MACROD2: variants seen among roughly 807,000 people sequenced by gnomAD.
The protein encoded by MACROD2 is ADP-ribose glycohydrolase MACROD2.
A neutral mutation model predicts 70.4 loss-of-function variants in MACROD2; 36 were observed. The observed-to-expected ratio is 0.51, with a 90% CI of 0.39 to 0.68. MACROD2 has a LOEUF of 0.68. Ranked by LOEUF, MACROD2 falls within the 30% of genes least tolerant of loss-of-function variation. The probability of loss-of-function intolerance (pLI) is 0.00; values close to 1 mark genes in which losing one functional copy is unlikely to be tolerated. For missense variants in MACROD2, 496 were observed against 538.4 expected (o/e 0.92, Z 0.78); for synonymous variants, 172 against 178.8 (o/e 0.96, Z 0.30).
chr20:14,083,491 C>A (rs754806881), intron 2 of MACROD2, among the ~76,000 whole-genome samples: 68 of 151,924 alleles, frequency 4.5e-4, no homozygotes, highest in Non-Finnish European at 7.1e-4. Flanking sequence ...GTGTAATGAA[C>A]TCACTTACAG....
chr20:15,062,063 G>A (rs2075536825), intron 5 of MACROD2, among the ~76,000 whole-genome samples: 1 of 152,182 alleles, frequency 6.6e-6, no homozygotes, highest in Admixed American at 6.5e-5. Context: ...CTTGCCCTGG[G>A]TCCTAGTGGT....
intron 5 of MACROD2, among the ~76,000 whole-genome samples, chr20:15,042,292 G>T (rs1235587168): frequency 6.6e-6 from 1 of 152,284 alleles, no homozygotes; most frequent in Middle Eastern, 3.4e-3. Flanking sequence ...GCCAAACAAG[G>T]CAGGAAAATG....
intron 5 of MACROD2, among the ~76,000 whole-genome samples, chr20:14,955,144 A>C (rs2074521988): frequency 9.8e-6 from 1 of 102,244 alleles, no homozygotes; most frequent in East Asian, 4.5e-4. Flanking sequence ...TTTATAAATT[A>C]TATTATATGT....
At chr20:15,621,472 T>C (rs2049124981) in intron 8 of MACROD2, among the ~76,000 whole-genome samples, 1 of 152,196 alleles carries the variant, frequency 6.6e-6, no homozygotes. Context: ...AATTATTTAT[T>C]TAAAAATATA....
At chr20:14,317,219 C>G (rs774348208) in intron 3 of MACROD2, among the ~76,000 whole-genome samples, 1 of 152,164 alleles carries the variant, frequency 6.6e-6, no homozygotes, top group African/African-American at 2.4e-5. Context: ...TCTTACCACC[C>G]AATCTAAGTA....
chr20:15,654,186 A>C (rs2049691256), intron 8 of MACROD2, among the ~76,000 whole-genome samples: 1 of 152,186 alleles, frequency 6.6e-6, no homozygotes, highest in African/African-American at 2.4e-5. Context: ...GCAGAAGTTC[A>C]GAGAAAGCAA....
At chr20:15,190,699 C>T (rs1369055268) in intron 5 of MACROD2, among the ~76,000 whole-genome samples, 1 of 152,086 alleles carries the variant, frequency 6.6e-6, no homozygotes, top group African/African-American at 2.4e-5. Flanking sequence ...TAGCACCAGG[C>T]CCAGTCAGCA....
intron 5 of MACROD2, among the ~76,000 whole-genome samples, chr20:14,969,361 T>TACACAC (rs3045701): frequency 0.061 from 8,459 of 137,852 alleles, 294 homozygotes; most frequent in South Asian, 0.095. Context: ...TAAATGCTTT[T>TACACAC]ACACACACAC....
intron 10 of MACROD2, among the ~76,000 whole-genome samples, chr20:15,909,353 C>G (rs2065198222): frequency 6.6e-6 from 1 of 151,940 alleles, no homozygotes; most frequent in African/African-American, 2.4e-5. Context: ...TAACAAGTCC[C>G]CAGGATTAAG....
rs554815686 is a variant in MACROD2 at position 15,569,499 on chromosome 20, A to G, written c.645+69652A>G. On this transcript the variant is annotated intron_variant, in intron 8 of 17. Coordinates refer to ENST00000684519, the MANE Select transcript of MACROD2 (RefSeq NM_001351661.2). Reference sequence around the variant, plus strand: ...GATAGATGTTTAACTTATTCTTTCTATCCAACTGAAATTTTGTATTCTTTG... The same window carrying G: ...GATAGATGTTTAACTTATTCTTTCTGTCCAACTGAAATTTTGTATTCTTTG... Among the ~76,000 whole-genome samples, 56 of 152,222 alleles carry G rather than the reference A, an allele frequency of 3.7e-4. No homozygotes were observed. The South Asian group carries it at 0.011, about 29-fold the overall frequency.
intron 8 of MACROD2, among the ~76,000 whole-genome samples, chr20:15,578,311 C>A (rs979748231): frequency 2.3e-4 from 35 of 152,316 alleles, no homozygotes; most frequent in African/African-American, 7.9e-4. Context: ...GTCAGATAAA[C>A]AAAGCGTGAA....
intron 5 of MACROD2, among the ~76,000 whole-genome samples, chr20:14,988,532 T>G (rs2074870913): frequency 6.6e-6 from 1 of 152,160 alleles, no homozygotes; most frequent in African/African-American, 2.4e-5. Context: ...AAGGAAGGGT[T>G]TCTTCAGAAA....
At chr20:15,377,836 C>T (rs542243584) in intron 6 of MACROD2, among the ~76,000 whole-genome samples, 5 of 152,186 alleles carry the variant, frequency 3.3e-5, no homozygotes, top group Admixed American at 1.3e-4. Flanking sequence ...ATGATGACAA[C>T]GAGAACAGGA....
chr20:14,059,948 C>G (rs994792311), intron 2 of MACROD2, among the ~76,000 whole-genome samples: 10 of 152,102 alleles, frequency 6.6e-5, no homozygotes, highest in African/African-American at 2.4e-4. Context: ...ATGTGTAAAT[C>G]TAGGGAACAG....
At chr20:15,705,283 AG>A (rs1167134444) in intron 8 of MACROD2, among the ~76,000 whole-genome samples, 1 of 152,194 alleles carries the variant, frequency 6.6e-6, no homozygotes, top group Admixed American at 6.5e-5. Context: ...TCAGTCTTTG[AG>A]AGAGGATTCA....
intron 6 of MACROD2, among the ~76,000 whole-genome samples, chr20:15,383,825 T>C (rs1275119806): frequency 1.3e-5 from 2 of 152,186 alleles, no homozygotes; most frequent in East Asian, 1.9e-4. Flanking sequence ...ATTATAATAG[T>C]ATATTGGCTT....
chr20:15,144,831 G>T (rs2076218802), intron 5 of MACROD2, among the ~76,000 whole-genome samples: 1 of 152,108 alleles, frequency 6.6e-6, no homozygotes, highest in African/African-American at 2.4e-5. Flanking sequence ...TGGAAGAGTG[G>T]TTCTATATTC....
At chr20:14,106,132 A>G (rs556545700) in intron 3 of MACROD2, among the ~76,000 whole-genome samples, 2 of 152,300 alleles carry the variant, frequency 1.3e-5, no homozygotes, top group South Asian at 4.1e-4. Context: ...CTTGGACAGC[A>G]TTTATGGAAC....
chr20:15,441,796 T>C (rs754748302), intron 7 of MACROD2, among the ~76,000 whole-genome samples: 90 of 152,144 alleles, frequency 5.9e-4, no homozygotes, highest in African/African-American at 1.3e-3. Flanking sequence ...GTATCACTTA[T>C]TGTTATGCTA....
Sources: gnomAD v4.1 joint callset for allele counts (sites outside exome capture counted in the v4.1 genomes callset) on GRCh38, gnomAD v4.1.1 for gene constraint, MANE v1.5 for transcripts, NCBI Gene and HGNC (gene_info 2026-07-23, HGNC 2026-07-21) for gene names.